SIDT2: variants seen among roughly 807,000 people sequenced by gnomAD.
SIDT2 encodes the protein SID1 transmembrane family member 2, also known as SID1 transmembrane family, member 2.
Under a neutral mutation model 114.4 loss-of-function variants are expected in SIDT2, and 68 were observed. The ratio of observed to expected loss-of-function variants is 0.59; its 90% CI spans 0.49 to 0.73. The LOEUF (loss-of-function observed/expected upper bound fraction) is 0.73. SIDT2 is among the 30% of genes least tolerant of loss of function. The probability of loss-of-function intolerance (pLI) is 0.00; values close to 1 mark genes in which losing one functional copy is unlikely to be tolerated. For missense variants in SIDT2, 918 were observed against 1,097.1 expected (o/e 0.84, Z 2.31); for synonymous variants, 470 against 438.4 (o/e 1.07, Z -0.90).
intron 10 of SIDT2, chr11:117,187,009 C>T: frequency 6.9e-7 from 1 of 1,452,162 alleles, no homozygotes; most frequent in Non-Finnish European, 9.1e-7. Context: ...TTGGTAAGCT[C>T]CAGGTGCTGT....
At position 117,193,089 on chromosome 11, in the gene SIDT2, G is replaced by A. The variant is rs2030761898; in HGVS notation, c.2106-64G>A. On this transcript the variant is annotated intron_variant, in intron 22 of 25. Transcript: ENST00000324225. ...ATCATAATAAAACATGCCTAGGCAGGGCAGGAAGAGCACTTCCTTGCCCTT... is the reference window on the plus strand; with the variant it reads ...ATCATAATAAAACATGCCTAGGCAGAGCAGGAAGAGCACTTCCTTGCCCTT... 3 of 1,533,516 alleles carry A rather than the reference G, an allele frequency of 2.0e-6. No homozygotes were observed. In the East Asian group the frequency reaches 6.7e-5, roughly 34 times the overall value. The allele number at this position is 1,533,516 out of a possible 1,614,324, so 95.0% of individuals were successfully genotyped here. A position where few individuals can be genotyped will look rare whatever the true frequency, so the allele number is the denominator to read the frequency against.
chr11:117,183,189 C>T (rs956615351), intron 6 of SIDT2, among the ~76,000 whole-genome samples: 4 of 149,354 alleles, frequency 2.7e-5, no homozygotes, highest in Non-Finnish European at 4.5e-5. Flanking sequence ...ACTAAAAATA[C>T]GAAAAATTAG....
Position 117,190,899 on chromosome 11 carries a change from T to C in SIDT2, c.1735+159T>C, listed in dbSNP as rs1419323288. 29 of 604,586 alleles carry C rather than the reference T, an allele frequency of 4.8e-5. No individual in the cohort carries two copies. The East Asian group carries it at 7.7e-4, about 16-fold the overall frequency. The allele number at this position is 604,586 out of a possible 1,614,324, so 37.5% of individuals were successfully genotyped here. ...TGCACACATCCTAGCCTATGGAACA[T>C]GGGCACCTAGATGCTGCTTCATTCA... On this transcript the variant is annotated intron_variant, in intron 18 of 25. Coordinates refer to ENST00000324225, the MANE Select transcript of SIDT2 (RefSeq NM_001040455.2). This position sits in a 1 kb window ranked among gnomAD's most constrained non-coding sequence, Gnocchi z 4.1.
chr11:117,181,094 T>A (rs939668489), intron 1 of SIDT2, among the ~76,000 whole-genome samples: 7 of 152,060 alleles, frequency 4.6e-5, no homozygotes, highest in African/African-American at 1.7e-4. Flanking sequence ...GGCCTGTGCA[T>A]CCTGTGCACA....
chr11:117,189,742 G>C (rs767710315), intron 15 of SIDT2: 36 of 610,122 alleles, frequency 5.9e-5, no homozygotes, highest in Middle Eastern at 8.6e-4. Flanking sequence ...CATGCCTCAG[G>C]GTTTTCAGCC....
rs77636050 is a variant in SIDT2 at position 117,182,443 on chromosome 11, G to C, written c.517-76G>C. ...GAGGATTCTGGGTCCTCGCTTATAG[G>C]GGACTATTCCCTTCTAGAGGGGCCA... On this transcript the variant is annotated intron_variant, in intron 4 of 25. Coordinates refer to ENST00000324225, the MANE Select transcript of SIDT2 (RefSeq NM_001040455.2). The C allele has an allele frequency of 3.4e-3, 4,531 of 1,330,160 alleles. 118 individuals are homozygous for C. In the African/African-American group the frequency reaches 0.056, roughly 16 times the overall value. 82.4% of individuals were successfully genotyped at this position (1,330,160 alleles called of 1,614,324 possible).
chr11:117,191,501 T>C (rs2030700362), intron 18 of SIDT2: 1 of 206,178 alleles, frequency 4.9e-6, no homozygotes, highest in Non-Finnish European at 9.8e-6. Context: ...GGAGAATTGC[T>C]TGAGCCCAGG....
chr11:117,191,670 A>C, intron 18 of SIDT2: 3 of 643,720 alleles, frequency 4.7e-6, no homozygotes, highest in Non-Finnish European at 8.1e-6. Flanking sequence ...GAGATGTCAG[A>C]CTCTGGGTGA....
intron 1 of SIDT2, among the ~76,000 whole-genome samples, chr11:117,180,412 G>A (rs1211782835): frequency 6.6e-6 from 1 of 151,388 alleles, no homozygotes; most frequent in African/African-American, 2.4e-5. Context: ...CTGCCCTAGG[G>A]CTTGGGTTTC....
Position 117,188,136 on chromosome 11 carries a change from G to T in SIDT2, c.1159+437G>T. 2.6e-6 allele frequency: 1 copy of T among 383,356 alleles called. No individual in the cohort carries two copies. The highest frequency in any genetic ancestry group is 5.1e-6 in the Non-Finnish European group (1 of 196,498). The allele number at this position is 383,356 out of a possible 1,614,324, so 23.7% of individuals were successfully genotyped here. A position where few individuals can be genotyped will look rare whatever the true frequency, so the allele number is the denominator to read the frequency against. On this transcript the variant is annotated intron_variant, in intron 12 of 25. Coordinates refer to ENST00000324225, the MANE Select transcript of SIDT2 (RefSeq NM_001040455.2). This position sits in a 1 kb window ranked among gnomAD's most constrained non-coding sequence, Gnocchi z 4.0. ...ACAGGCTCCTTTGGCTGGCGGGCTG[G>T]CGCCTCCGCTCTCTCCAGGCTGGAC... is the stretch of plus-strand genomic sequence containing the variant.
In SIDT2 at chr11:117,190,143, C is replaced by T; in HGVS notation, c.1494-23C>T. ...GGCCTGGGTGTGAGTCCCAAGCAGTCTGCCTTGTGTTGCCCCTTCTAGCGC... is the reference window on the plus strand; with the variant it reads ...GGCCTGGGTGTGAGTCCCAAGCAGTTTGCCTTGTGTTGCCCCTTCTAGCGC... On this transcript the variant is annotated intron_variant, in intron 16 of 25. Transcript: ENST00000324225. This position sits in a 1 kb window ranked among gnomAD's most constrained non-coding sequence, Gnocchi z 4.1. 1 of 1,601,098 alleles carries T rather than the reference C, an allele frequency of 6.2e-7. No individual in the cohort carries two copies. The highest frequency in any genetic ancestry group is 1.1e-5 in the South Asian group (1 of 89,028).
intron 8 of SIDT2, 58 bp from the exon 9 acceptor site, chr11:117,186,072 C>T: frequency 6.9e-7 from 1 of 1,453,656 alleles, no homozygotes. Flanking sequence ...CTTTGGGTGC[C>T]ATGATGGGAG....
intron 24 of SIDT2, 149 bp from the exon 25 acceptor site, chr11:117,195,653 G>T: frequency 1.3e-6 from 1 of 746,250 alleles, no homozygotes; most frequent in East Asian, 2.5e-5. Context: ...TCGGGAAGGG[G>T]TAGGGACAAG....
chr11:117,186,302 A>G, intron 9 of SIDT2, 79 bp downstream of exon 9: 1 of 1,286,422 alleles, frequency 7.8e-7, no homozygotes, highest in Non-Finnish European at 1.1e-6. Context: ...GCAGGATCTG[A>G]GCCAGCCTAG....
In SIDT2 at chr11:117,188,478, C is replaced by T. The variant is rs911559377; in HGVS notation, c.1160-230C>T. The T allele has an allele frequency of 5.0e-5, 28 of 562,610 alleles. No homozygotes were observed. The highest frequency in any genetic ancestry group is 7.7e-5 in the Non-Finnish European group (24 of 313,006). The allele number at this position is 562,610 out of a possible 1,614,324, so 34.9% of individuals were successfully genotyped here. On this transcript the variant is annotated intron_variant, in intron 12 of 25. Coordinates refer to ENST00000324225, the MANE Select transcript of SIDT2 (RefSeq NM_001040455.2). The surrounding 1 kb of genome is among the most constrained non-coding windows in gnomAD (Gnocchi z 4.0). ...TGCCAGGAACAGAGCAAAGCTAGAGCGGCCCCTGTGTGGTGGCCTCTTCTA... is the reference window on the plus strand; with the variant it reads ...TGCCAGGAACAGAGCAAAGCTAGAGTGGCCCCTGTGTGGTGGCCTCTTCTA...
At position 117,182,096 on chromosome 11, in the gene SIDT2, A is replaced by G. The variant is rs1317833827; in HGVS notation, c.507A>G (p.Ala169=). The G allele has an allele frequency of 1.9e-6, 3 of 1,613,882 alleles. No individual in the cohort carries two copies. In the African/African-American group the frequency reaches 4.0e-5, roughly 22 times the overall value. Reference sequence around the variant, plus strand: ...AGTTCAGCTTCAATACCACAGCAGCACAGCCCCAGGTAACATCTCCCTGTT... The same window carrying G: ...AGTTCAGCTTCAATACCACAGCAGCGCAGCCCCAGGTAACATCTCCCTGTT... ...GEQFSFNTTA[A]QPQYFKYEFP... The change falls in exon 4 of 26, where the codon GCA becomes GCG. Residue 169 remains alanine (A), a synonymous_variant. Transcript: ENST00000324225.
In SIDT2 at chr11:117,186,122, C is replaced by A; in HGVS notation, c.869-8C>A. 6.2e-7 allele frequency: 1 copy of A among 1,613,688 alleles called. No individual in the cohort carries two copies. The highest frequency in any genetic ancestry group is 1.1e-5 in the South Asian group (1 of 91,068). On this transcript the variant is annotated splice_polypyrimidine_tract_variant and splice_region_variant and intron_variant, in intron 8 of 25. Coordinates refer to ENST00000324225, the MANE Select transcript of SIDT2 (RefSeq NM_001040455.2). ...TGACCTGTCCACCTTCCTGTTTCCT[C>A]CTTGAAGCTGAGGCATACGTCAGTG...
chr11:117,190,298 G>T lies in SIDT2; in HGVS notation c.1617+9G>T. ...ATGACCTCTGTGCCCTGGTAAGGGAGCACCTGCCTGCCTGCCGCAGCCTCA... is the reference window on the plus strand; with the variant it reads ...ATGACCTCTGTGCCCTGGTAAGGGATCACCTGCCTGCCTGCCGCAGCCTCA... On this transcript the variant is annotated intron_variant, in intron 17 of 25. Transcript: ENST00000324225. The surrounding 1 kb of genome is among the most constrained non-coding windows in gnomAD (Gnocchi z 4.1). 6.6e-7 allele frequency: 1 copy of T among 1,526,072 alleles called. No individual in the cohort carries two copies. 94.5% of individuals were successfully genotyped at this position (1,526,072 alleles called of 1,614,324 possible). A position where few individuals can be genotyped will look rare whatever the true frequency, so the allele number is the denominator to read the frequency against.
In SIDT2 at chr11:117,192,236, TTGG is replaced by T; in HGVS notation, c.1873-14_1873-12del. 1 of 1,551,130 alleles carries T rather than the reference TTGG, an allele frequency of 6.4e-7. No individual in the cohort carries two copies. Among genetic ancestry groups the T allele is most frequent in the Non-Finnish European group, 8.9e-7 (1 of 1,122,838 alleles). On this transcript the variant is annotated splice_polypyrimidine_tract_variant and intron_variant, in intron 19 of 25. Coordinates refer to ENST00000324225, the MANE Select transcript of SIDT2 (RefSeq NM_001040455.2). The surrounding 1 kb of genome is among the most constrained non-coding windows in gnomAD (Gnocchi z 5.9). ...TCCCTCTCCACCCTCACCGCTGCCC[TTGG>T]TGGCCTCCCGACAGGTCTTTGGCAA...
Sources: allele counts gnomAD v4.1 joint callset (sites outside exome capture counted in the v4.1 genomes callset), GRCh38; gene constraint gnomAD v4.1.1; non-coding constraint Gnocchi (gnomAD v3.1); transcripts MANE v1.5; gene names NCBI Gene and HGNC (gene_info 2026-07-23, HGNC 2026-07-21).